VTI1A: variants seen among roughly 807,000 people sequenced by gnomAD.
The protein encoded by VTI1A is vesicle transport through interaction with t-SNAREs 1A.
A neutral mutation model predicts 34.9 loss-of-function variants in VTI1A; 22 were observed. That is an observed-to-expected ratio of 0.63 (90% CI 0.45 to 0.90). VTI1A has a LOEUF of 0.90. Ranked by LOEUF, VTI1A falls within the 40% of genes least tolerant of loss-of-function variation. The probability of loss-of-function intolerance (pLI) is 0.00; values close to 1 mark genes in which losing one functional copy is unlikely to be tolerated. For missense variants in VTI1A, 268 were observed against 275.6 expected (o/e 0.97, Z 0.20); for synonymous variants, 87 against 97.3 (o/e 0.89, Z 0.62).
chr10:112,692,341 T>C (rs985157806), intron 7 of VTI1A, among the ~76,000 whole-genome samples: 1 of 152,242 alleles, frequency 6.6e-6, no homozygotes, highest in Non-Finnish European at 1.5e-5. Flanking sequence ...CTCATTCTTC[T>C]GTCTGCTCTT....
chr10:112,508,555 T>C (rs935826773), intron 3 of VTI1A, among the ~76,000 whole-genome samples: 1 of 152,222 alleles, frequency 6.6e-6, no homozygotes, highest in Non-Finnish European at 1.5e-5. Context: ...TGTGTTCATA[T>C]TGTGAGTCCC....
chr10:112,448,047 TAA>T (rs1847011887), intron 1 of VTI1A, among the ~76,000 whole-genome samples: 1 of 150,470 alleles, frequency 6.6e-6, no homozygotes, highest in African/African-American at 2.5e-5. Context: ...AATAAATAAA[TAA>T]AATAAAAGTT....
intron 7 of VTI1A, among the ~76,000 whole-genome samples, chr10:112,780,273 A>AAAAT (rs143844379): frequency 0.15 from 20,516 of 137,928 alleles, 1,669 homozygotes; most frequent in South Asian, 0.19. Flanking sequence ...CCTGTCTCTA[A>AAAAT]AAATAAATAA....
At chr10:112,683,376 T>C (rs1457589217) in intron 7 of VTI1A, among the ~76,000 whole-genome samples, 1 of 152,190 alleles carries the variant, frequency 6.6e-6, no homozygotes, top group African/African-American at 2.4e-5. Flanking sequence ...GAGTGGTCTT[T>C]GGTAGACTAT....
At chr10:112,549,168 C>G (rs572329054) in intron 5 of VTI1A, among the ~76,000 whole-genome samples, 1 of 152,254 alleles carries the variant, frequency 6.6e-6, no homozygotes, top group African/African-American at 2.4e-5. Context: ...ACTACGTGTT[C>G]CTTTCCCTCA....
At chr10:112,684,646 G>A (rs1358412259) in intron 7 of VTI1A, among the ~76,000 whole-genome samples, 2 of 151,988 alleles carry the variant, frequency 1.3e-5, no homozygotes, top group Admixed American at 1.3e-4. Flanking sequence ...TCACCATGTT[G>A]GTCAGGTTGG....
At chr10:112,842,424 G>C in the VTI1A span, among the ~76,000 whole-genome samples, 2 of 152,128 alleles carry the variant, frequency 1.3e-5, no homozygotes, top group African/African-American at 4.8e-5. Context: ...CAGCTTGGCT[G>C]TGCCTTGCTT....
intron 7 of VTI1A, among the ~76,000 whole-genome samples, chr10:112,670,030 G>A (rs983336219): frequency 1.3e-5 from 2 of 152,028 alleles, no homozygotes; most frequent in African/African-American, 4.8e-5. Flanking sequence ...CCTTGAACCC[G>A]ACTCCCAACT....
At chr10:112,776,039 G>A (rs1365681519) in intron 7 of VTI1A, among the ~76,000 whole-genome samples, 3 of 152,214 alleles carry the variant, frequency 2.0e-5, no homozygotes, top group Non-Finnish European at 4.4e-5. Flanking sequence ...CCTCCAGTGA[G>A]AGCCTGGGAT....
Position 112,791,076 on chromosome 10 carries a change from G to A in VTI1A, c.561-24214G>A, listed in dbSNP as rs115325600. Among the ~76,000 whole-genome samples the A allele has an allele frequency of 2.5e-3, 385 of 152,178 alleles. 4 individuals are homozygous for A. The highest frequency in any genetic ancestry group is 8.7e-3 in the African/African-American group (360 of 41,530). On this transcript the variant is annotated intron_variant, in intron 7 of 7. Transcript: ENST00000393077. ...ATCAGGGTGTAACTGCCAGGATCCC[G>A]TCTGCATGTGCTCACATGAGCTTTG...
intron 7 of VTI1A, among the ~76,000 whole-genome samples, chr10:112,719,998 A>G (rs1564898449): frequency 1.3e-5 from 2 of 152,232 alleles, no homozygotes; most frequent in East Asian, 3.8e-4. Flanking sequence ...GAATCATACT[A>G]TATGTGGTAT....
intron 5 of VTI1A, among the ~76,000 whole-genome samples, chr10:112,635,299 A>G (rs1289570000): frequency 1.3e-5 from 2 of 152,218 alleles, no homozygotes; most frequent in East Asian, 3.9e-4. Context: ...CAGATGCAGA[A>G]TTCATGGCAG....
intron 7 of VTI1A, among the ~76,000 whole-genome samples, chr10:112,789,639 AG>A (rs1362660932): frequency 6.6e-5 from 10 of 152,042 alleles, no homozygotes; most frequent in Admixed American, 6.6e-5. Flanking sequence ...TTTCTTCTTC[AG>A]ATTGGATAAT....
chr10:112,776,242 T>C (rs1304675000), intron 7 of VTI1A, among the ~76,000 whole-genome samples: 1 of 152,226 alleles, frequency 6.6e-6, no homozygotes, highest in African/African-American at 2.4e-5. Flanking sequence ...ACCGTGTTAG[T>C]GCTGAGGACT....
chr10:112,675,894 T>G (rs1180082122), intron 7 of VTI1A, among the ~76,000 whole-genome samples: 2 of 152,188 alleles, frequency 1.3e-5, no homozygotes, highest in African/African-American at 4.8e-5. Flanking sequence ...CACCTCTCCG[T>G]ACCTCAGTTT....
chr10:112,854,120 G>A, the VTI1A span, among the ~76,000 whole-genome samples: 1 of 152,154 alleles, frequency 6.6e-6, no homozygotes, highest in African/African-American at 2.4e-5. Flanking sequence ...GGTCTCCAGG[G>A]AACACTGTTC....
At chr10:112,850,252 C>G in the VTI1A span, among the ~76,000 whole-genome samples, 1 of 151,882 alleles carries the variant, frequency 6.6e-6, no homozygotes. Flanking sequence ...AGCGGGTCAC[C>G]TGGGGCCTTC....
At chr10:112,798,633 A>T (rs1852759847) in intron 7 of VTI1A, among the ~76,000 whole-genome samples, 1 of 152,184 alleles carries the variant, frequency 6.6e-6, no homozygotes, top group South Asian at 2.1e-4. Context: ...CTTGGCAACT[A>T]GTTTTCTTTA....
At chr10:112,720,759 C>T (rs116691036) in intron 7 of VTI1A, among the ~76,000 whole-genome samples, 1 of 152,058 alleles carries the variant, frequency 6.6e-6, no homozygotes, top group African/African-American at 2.4e-5. Context: ...ATTAGTGGTC[C>T]CAGAAGCATA....
Sources: gnomAD v4.1 joint callset for allele counts (sites outside exome capture counted in the v4.1 genomes callset) on GRCh38, gnomAD v4.1.1 for gene constraint, MANE v1.5 for transcripts, NCBI Gene and HGNC (gene_info 2026-07-23, HGNC 2026-07-21) for gene names.